Variants in GAPVD1 observed in about 807,000 individuals in gnomAD.
The protein encoded by GAPVD1 is GTPase-activating protein and VPS9 domain-containing protein 1.
Under a neutral mutation model 155.5 loss-of-function variants are expected in GAPVD1, and 35 were observed. The observed-to-expected ratio is 0.23, with a 90% CI of 0.17 to 0.30. The LOEUF is 0.30. Among genes scored for constraint, GAPVD1 ranks in the 10% least tolerant of loss-of-function variants. The pLI is 1.00. For synonymous variants in GAPVD1, 636 were observed against 619.7 expected, an observed-to-expected ratio of 1.03 and a Z score of -0.39; for missense variants, 1,429 against 1,775.7, an observed-to-expected ratio of 0.80 and a Z score of 3.51.
At chr9:125,288,029 C>T (rs777859347) in intron 2 of GAPVD1, 3 of 151,918 alleles carry the variant, frequency 2.0e-5, no homozygotes, top group Non-Finnish European at 4.4e-5. Context: ...TGTGAGCCAC[C>T]GTTTCTGGCC....
intron 9 of GAPVD1, among the ~76,000 whole-genome samples, chr9:125,314,110 G>A (rs1484529940): frequency 6.6e-6 from 1 of 152,136 alleles, no homozygotes; most frequent in Admixed American, 6.5e-5. Context: ...AAATTAAAGA[G>A]ACTTTTCCAG....
intron 8 of GAPVD1, among the ~76,000 whole-genome samples, chr9:125,311,269 TTC>T (rs201105735): frequency 0.026 from 3,935 of 152,306 alleles, 150 homozygotes; most frequent in Non-Finnish European, 0.028. Context: ...TAAATAAATT[TTC>T]TCTCTTTTAT....
intron 15 of GAPVD1, among the ~76,000 whole-genome samples, chr9:125,336,313 CAAAA>C (rs979199229): frequency 2.1e-5 from 3 of 141,208 alleles, no homozygotes; most frequent in African/African-American, 5.2e-5. Flanking sequence ...AAACAAAAAA[CAAAA>C]AATAGCTTCA....
chr9:125,330,301 T>A, intron 13 of GAPVD1, 83 bp downstream of exon 13: 1 of 898,042 alleles, frequency 1.1e-6, no homozygotes, highest in Admixed American at 2.9e-5. Flanking sequence ...GTATTATGTA[T>A]ATTTTGTCAA....
At chr9:125,297,065 A>G (rs566091384) in intron 3 of GAPVD1, among the ~76,000 whole-genome samples, 6 of 152,340 alleles carry the variant, frequency 3.9e-5, no homozygotes, top group African/African-American at 1.4e-4. Flanking sequence ...AACATTTGTG[A>G]TCTGGCACAA....
intron 2 of GAPVD1, among the ~76,000 whole-genome samples, chr9:125,285,253 A>C (rs147371357): frequency 5.3e-5 from 8 of 152,254 alleles, no homozygotes; most frequent in Non-Finnish European, 8.8e-5. Context: ...CAGCAGGCTA[A>C]ATATGACCTG....
In GAPVD1 at chr9:125,341,338, A is replaced by G. The variant is rs749319580; in HGVS notation, c.2965+74A>G. On this transcript the variant is annotated intron_variant, in intron 18 of 27. Transcript: ENST00000297933. ...CCCCAGAATCTCTTTCAGAGAGCCA[A>G]TGTCTCAACTCCTCTGTAAGACTTG... The G allele has an allele frequency of 1.0e-4, 77 of 740,654 alleles. 2 individuals are homozygous for G. Among genetic ancestry groups the G allele is most frequent in the South Asian group, 8.4e-4 (48 of 57,032 alleles). 45.9% of individuals were successfully genotyped at this position (740,654 alleles called of 1,614,324 possible).
At chr9:125,278,150 T>A (rs1236335734) in intron 2 of GAPVD1, among the ~76,000 whole-genome samples, 1 of 152,198 alleles carries the variant, frequency 6.6e-6, no homozygotes, top group Non-Finnish European at 1.5e-5. Flanking sequence ...ACATGATATT[T>A]GTAAAAAATA....
intron 15 of GAPVD1, 54 bp from the exon 16 acceptor site, chr9:125,336,964 G>A (rs1438301133): frequency 4.0e-6 from 4 of 994,054 alleles, no homozygotes; most frequent in South Asian, 3.9e-5. Context: ...AAACTGTGTT[G>A]AGACCGTCTG....
chr9:125,337,286 C>T lies in GAPVD1; in HGVS notation c.2572C>T (p.Pro858Ser). 6.2e-7 allele frequency: 1 copy of T among 1,614,130 alleles called. No homozygotes were observed. Among genetic ancestry groups the T allele is most frequent in the Non-Finnish European group, 8.5e-7 (1 of 1,179,950 alleles). The change falls in exon 17 of 28, where the codon CCA becomes TCA. Residue 858 changes from proline to serine, a missense_variant. By Grantham distance (74) the Pro-to-Ser change is moderately conservative. This residue lies in a region of GAPVD1 where 699 missense variants were observed against 826.0 expected (regional missense o/e 0.85). Transcript: ENST00000297933. ...GCCATCGCATCCACCACCAGATCCC[C>T]CAATCCTGGAAGGAGCTGTGGGAGG... ...ARPSHPPPDP[P>S]ILEGAVGGNE...
At chr9:125,295,909 T>C (rs1161532937) in intron 3 of GAPVD1, among the ~76,000 whole-genome samples, 1 of 152,158 alleles carries the variant, frequency 6.6e-6, no homozygotes, top group Non-Finnish European at 1.5e-5. Context: ...TTGGCTAGGC[T>C]CCAGCGAAAC....
In GAPVD1 at chr9:125,350,839, G is replaced by A; in HGVS notation, c.3536G>A (p.Arg1179Lys). ...TGCCGTTTTGATAATAGGACTTGTA[G>A]GAAACTGCTGGCTTCGATTGCTGAG... ...CVCRFDNRTC[R>K]KLLASIAEDY... Residue 1179 changes from arginine (R) to lysine (K), a missense_variant, in exon 23 of 28, where the codon AGG (arginine) becomes AAG (lysine). Arg to Lys is a conservative substitution (Grantham distance 26). This residue lies in a region of GAPVD1 where 699 missense variants were observed against 826.0 expected (regional missense o/e 0.85). Coordinates refer to ENST00000297933, the MANE Select transcript of GAPVD1 (RefSeq NM_001282680.3). 6.2e-7 allele frequency: 1 copy of A among 1,613,892 alleles called. No individual in the cohort carries two copies. Among genetic ancestry groups the A allele is most frequent in the Admixed American group, 1.7e-5 (1 of 60,004 alleles).
At chr9:125,299,984 A>G (rs1408414629) in intron 4 of GAPVD1, among the ~76,000 whole-genome samples, 2 of 125,964 alleles carry the variant, frequency 1.6e-5, no homozygotes, top group Non-Finnish European at 3.3e-5. Flanking sequence ...GCACCACTGC[A>G]CTCTAGCCTG....
intron 19 of GAPVD1, among the ~76,000 whole-genome samples, chr9:125,345,470 G>T (rs532373026): frequency 6.6e-6 from 1 of 152,148 alleles, no homozygotes; most frequent in African/African-American, 2.4e-5. Flanking sequence ...GTGAGCCACC[G>T]TGCCCAGCCT....
rs560668869 is a variant in GAPVD1 at position 125,299,821 on chromosome 9, C to G, written c.185+715C>G. Among the ~76,000 whole-genome samples, 1,400 of 148,614 alleles carry G rather than the reference C, an allele frequency of 9.4e-3. 27 individuals carry two copies. The highest frequency in any genetic ancestry group is 0.033 in the African/African-American group (1,329 of 40,380). The stretch of plus-strand genomic sequence containing the variant: ...GGATCACGAGGTCAGGAGTTCAAGA[C>G]CAGCCAGGCCAAGATGATGAAACCC... On this transcript the variant is annotated intron_variant, in intron 4 of 27. Coordinates refer to ENST00000297933, the MANE Select transcript of GAPVD1 (RefSeq NM_001282680.3).
rs552484199 is a variant in GAPVD1, at chr9:125,319,309, G to A, written c.1603-2124G>A. On this transcript the variant is annotated intron_variant, in intron 9 of 27. Coordinates refer to ENST00000297933, the MANE Select transcript of GAPVD1 (RefSeq NM_001282680.3). ...GGATTGCCTGTGCCTAGGGGTTCAA[G>A]GCTGTGGTGAGCCATCATTGCACCA... is the stretch of plus-strand genomic sequence containing the variant. 5.9e-5 allele frequency among the ~76,000 whole-genome samples: 9 copies of A among 152,074 alleles called. No homozygotes were observed. The East Asian group carries it at 1.7e-3, about 29-fold the overall frequency.
chr9:125,289,846 G>T (rs1564300296), intron 2 of GAPVD1, among the ~76,000 whole-genome samples: 1 of 152,138 alleles, frequency 6.6e-6, no homozygotes, highest in Admixed American at 6.6e-5. Flanking sequence ...AGTTAGAAAA[G>T]AAAAAGGTCT....
At chr9:125,359,113 A>T (rs1383808982) in intron 25 of GAPVD1, among the ~76,000 whole-genome samples, 2 of 151,096 alleles carry the variant, frequency 1.3e-5, no homozygotes, top group Non-Finnish European at 2.9e-5. Flanking sequence ...CTTTTCCTCT[A>T]CCTTACAAAA....
At chr9:125,354,505 T>A in intron 23 of GAPVD1, 149 bp from the exon 24 acceptor site, 1 of 545,882 alleles carries the variant, frequency 1.8e-6, no homozygotes. Context: ...TGCTACTTTG[T>A]ATATGTGCTA....
Sources: gnomAD v4.1 joint callset for allele counts (sites outside exome capture counted in the v4.1 genomes callset) on GRCh38, gnomAD v4.1.1 for gene constraint, gnomAD v4.1.1 regional missense constraint, MANE v1.5 for transcripts, NCBI Gene and HGNC (gene_info 2026-07-23, HGNC 2026-07-21) for gene names.